Variants in ZRANB3 observed in about 807,000 individuals in gnomAD.
ZRANB3 encodes the protein zinc finger RANBP2-type containing 3, also known as DNA annealing helicase and endonuclease ZRANB3.
In ZRANB3, 125 loss-of-function variants were observed where a neutral mutation model predicts 133.8. The observed-to-expected ratio is 0.93, with a 90% confidence interval of 0.81 to 1.08. The LOEUF (loss-of-function observed/expected upper bound fraction) is 1.08. Among genes scored for constraint, ZRANB3 ranks in the 50% least tolerant of loss-of-function variants. The probability of loss-of-function intolerance (pLI) is 0.00; values close to 1 mark genes in which losing one functional copy is unlikely to be tolerated. For missense variants in ZRANB3, 1,229 were observed against 1,275.5 expected (o/e 0.96, Z 0.56); for synonymous variants, 387 against 432.7 (o/e 0.89, Z 1.31).
chr2:135,319,797 C>A lies in ZRANB3; in HGVS notation c.678-4267G>T, dbSNP rs114900600. Among the ~76,000 whole-genome samples, 867 of 152,270 alleles carry A rather than the reference C, an allele frequency of 5.7e-3. 10 individuals are homozygous for A. Among genetic ancestry groups the A allele is most frequent in the African/African-American group, 0.02 (834 of 41,544 alleles). ...ATACATAAATATAACCCACTAAATCCAAACCAAACATACCGCTAATATAAT... is the reference window on the plus strand; with the variant it reads ...ATACATAAATATAACCCACTAAATCAAAACCAAACATACCGCTAATATAAT... On this transcript the variant is annotated intron_variant, in intron 6 of 20. Coordinates refer to ENST00000264159, the MANE Select transcript of ZRANB3 (RefSeq NM_032143.4).
intron 20 of ZRANB3, among the ~76,000 whole-genome samples, chr2:135,201,818 G>C (rs902600693): frequency 2.0e-5 from 3 of 152,136 alleles, no homozygotes; most frequent in Non-Finnish European, 2.9e-5. Context: ...CATTCTCCCT[G>C]CACCACATTG....
chr2:135,241,246 TG>T (rs1695535729), intron 12 of ZRANB3, among the ~76,000 whole-genome samples: 1 of 152,094 alleles, frequency 6.6e-6, no homozygotes, highest in Admixed American at 6.5e-5. Flanking sequence ...TCCTTCTTTT[TG>T]TCTTTTTACC....
At chr2:135,298,904 C>T (rs540510440) in intron 8 of ZRANB3, among the ~76,000 whole-genome samples, 86 of 152,126 alleles carry the variant, frequency 5.7e-4, no homozygotes, top group South Asian at 3.1e-3. Flanking sequence ...TTTTGGAGCA[C>T]GGTTGTTCTG....
intron 2 of ZRANB3, among the ~76,000 whole-genome samples, chr2:135,459,473 T>C (rs570465708): frequency 6.6e-6 from 1 of 152,338 alleles, no homozygotes; most frequent in South Asian, 2.1e-4. Context: ...TTTCCTCTTA[T>C]TATAAATGTC....
chr2:135,405,896 T>A (rs1297154300), intron 2 of ZRANB3, among the ~76,000 whole-genome samples: 1 of 151,874 alleles, frequency 6.6e-6, no homozygotes, highest in Non-Finnish European at 1.5e-5. Flanking sequence ...CACCCTAACA[T>A]CACAATTAAA....
intron 12 of ZRANB3, among the ~76,000 whole-genome samples, chr2:135,254,341 A>C (rs575849589): frequency 6.6e-6 from 1 of 152,360 alleles, no homozygotes. Context: ...GTATTGCATT[A>C]AAATGATTTG....
intron 2 of ZRANB3, among the ~76,000 whole-genome samples, chr2:135,437,559 A>AT (rs1689603707): frequency 6.6e-6 from 1 of 152,210 alleles, no homozygotes; most frequent in Non-Finnish European, 1.5e-5. Context: ...TTTGTGAGCA[A>AT]TTCACAGAAC....
In ZRANB3 at chr2:135,405,452, G is replaced by C. The variant is rs138741547; in HGVS notation, c.162-14632C>G. On this transcript the variant is annotated intron_variant, in intron 2 of 20. Coordinates refer to ENST00000264159, the MANE Select transcript of ZRANB3 (RefSeq NM_032143.4). ...CAAGCATATCCAGGAATTAAATACA[G>C]CTCTGCACCAAGCGGACCTAATAGA... is the stretch of plus-strand genomic sequence containing the variant. 1.5e-4 allele frequency among the ~76,000 whole-genome samples: 23 copies of C among 152,250 alleles called. No individual in the cohort carries two copies. The East Asian group carries it at 4.4e-3, about 29-fold the overall frequency.
At position 135,445,959 on chromosome 2, in the gene ZRANB3, C is replaced by A. The variant is rs145625620; in HGVS notation, c.162-55139G>T. On this transcript the variant is annotated intron_variant, in intron 2 of 20. Transcript: ENST00000264159. ...GTGACTCACACCTGTAATCCCAGCA[C>A]TTTGGGAGGCTGAGGCGGGTGGATC... Among the ~76,000 whole-genome samples the A allele has an allele frequency of 2.5e-3, 383 of 150,226 alleles. 1 individual carries two copies. Among genetic ancestry groups the A allele is most frequent in the African/African-American group, 8.8e-3 (360 of 40,888 alleles).
chr2:135,468,957 T>C (rs1006215464), intron 2 of ZRANB3, among the ~76,000 whole-genome samples: 1 of 152,060 alleles, frequency 6.6e-6, no homozygotes, highest in Non-Finnish European at 1.5e-5. Flanking sequence ...ACAGTAGGAG[T>C]GACAACTACA....
intron 2 of ZRANB3, among the ~76,000 whole-genome samples, chr2:135,437,974 G>T (rs1689617492): frequency 6.6e-6 from 1 of 152,166 alleles, no homozygotes; most frequent in Non-Finnish European, 1.5e-5. Flanking sequence ...TAGAGGAAGG[G>T]TGTATCTGAT....
At chr2:135,219,249 T>C in intron 15 of ZRANB3, 71 bp from the exon 16 acceptor site, 3 of 999,496 alleles carry the variant, frequency 3.0e-6, no homozygotes, top group Non-Finnish European at 4.3e-6. Flanking sequence ...TAAATGAAAA[T>C]AATTACATTA....
chr2:135,437,379 G>A (rs1046388717), intron 2 of ZRANB3, among the ~76,000 whole-genome samples: 1 of 152,138 alleles, frequency 6.6e-6, no homozygotes. Context: ...AGTGTACAAC[G>A]TGTTATTCTA....
chr2:135,427,109 T>C (rs1409416578), intron 2 of ZRANB3, among the ~76,000 whole-genome samples: 3 of 151,460 alleles, frequency 2.0e-5, no homozygotes, highest in African/African-American at 2.4e-5. Context: ...GCCAACATCA[T>C]ACTGAATAGG....
intron 2 of ZRANB3, among the ~76,000 whole-genome samples, chr2:135,416,496 G>A (rs977031173): frequency 9.2e-5 from 14 of 152,010 alleles, no homozygotes; most frequent in African/African-American, 2.7e-4. Context: ...ATGCTCATGG[G>A]TAGGAAGAAT....
intron 6 of ZRANB3, among the ~76,000 whole-genome samples, chr2:135,334,597 T>A (rs113571686): frequency 0.062 from 9,448 of 152,078 alleles, 573 homozygotes; most frequent in African/African-American, 0.16. Context: ...CATTTTTTTT[T>A]AATTTAATTT....
chr2:135,445,433 A>C (rs1473169227), intron 2 of ZRANB3, among the ~76,000 whole-genome samples: 1 of 151,862 alleles, frequency 6.6e-6, no homozygotes, highest in Middle Eastern at 3.2e-3. Flanking sequence ...ACACAGTGAA[A>C]CTCCATCTAA....
chr2:135,492,690 A>C (rs1424975940), intron 2 of ZRANB3, among the ~76,000 whole-genome samples: 4 of 152,166 alleles, frequency 2.6e-5, no homozygotes, highest in Non-Finnish European at 5.9e-5. Flanking sequence ...ACATACAGTG[A>C]TGAGTGATAA....
At chr2:135,476,960 A>G (rs913885552) in intron 2 of ZRANB3, among the ~76,000 whole-genome samples, 9 of 152,130 alleles carry the variant, frequency 5.9e-5, no homozygotes, top group Non-Finnish European at 1.5e-5. Context: ...GGCTCAAGCT[A>G]TCCTCCAACC....
Sources: allele counts gnomAD v4.1 joint callset (sites outside exome capture counted in the v4.1 genomes callset), GRCh38; gene constraint gnomAD v4.1.1; transcripts MANE v1.5; gene names NCBI Gene and HGNC (gene_info 2026-07-23, HGNC 2026-07-21).